CNTN4: variants seen among roughly 807,000 people sequenced by gnomAD.
CNTN4 encodes contactin-4.
A neutral mutation model predicts 122.5 loss-of-function variants in CNTN4; 77 were observed. The ratio of observed to expected loss-of-function variants is 0.63; its 90% CI spans 0.52 to 0.76. CNTN4 has a LOEUF of 0.76. CNTN4 is among the 30% of genes least tolerant of loss of function. The probability of loss-of-function intolerance (pLI) is 0.00; values close to 1 mark genes in which losing one functional copy is unlikely to be tolerated. For missense variants in CNTN4, 1,256 were observed against 1,259.1 expected (o/e 1.00, Z 0.04); for synonymous variants, 512 against 447.0 (o/e 1.15, Z -1.83).
chr3:2,502,537 A>G (rs1399908205), intron 3 of CNTN4, among the ~76,000 whole-genome samples: 7 of 152,184 alleles, frequency 4.6e-5, no homozygotes, highest in Middle Eastern at 6.8e-3. Context: ...TCCATCCACC[A>G]TCAGTGGATG....
At chr3:2,782,516 T>TGTGTGTGTGTGTGTG (rs1559498453) in intron 6 of CNTN4, among the ~76,000 whole-genome samples, 2 of 142,420 alleles carry the variant, frequency 1.4e-5, no homozygotes, top group African/African-American at 2.6e-5. Flanking sequence ...TGTGTGTGTG[T>TGTGTGTGTGTGTGTG]TTTAATGGGA....
intron 2 of CNTN4, among the ~76,000 whole-genome samples, chr3:2,181,724 T>C (rs1245972359): frequency 6.6e-6 from 1 of 152,146 alleles, no homozygotes; most frequent in Non-Finnish European, 1.5e-5. Flanking sequence ...AACTACCATA[T>C]TGTCCTTTTA....
intron 2 of CNTN4, among the ~76,000 whole-genome samples, chr3:2,315,144 G>C (rs932368047): frequency 1.3e-5 from 2 of 151,986 alleles, no homozygotes; most frequent in African/African-American, 4.8e-5. Context: ...AAAAGAATTA[G>C]CTATGAACAG....
intron 2 of CNTN4, among the ~76,000 whole-genome samples, chr3:2,290,058 A>G (rs773126817): frequency 2.0e-5 from 3 of 152,150 alleles, no homozygotes; most frequent in Non-Finnish European, 4.4e-5. Flanking sequence ...AAACTTTTCT[A>G]CACCTAACAC....
At chr3:2,637,327 A>C (rs997477169) in intron 4 of CNTN4, among the ~76,000 whole-genome samples, 3 of 152,154 alleles carry the variant, frequency 2.0e-5, no homozygotes, top group African/African-American at 7.2e-5. Flanking sequence ...TGAATGGATT[A>C]ACAATTTGCC....
intron 3 of CNTN4, among the ~76,000 whole-genome samples, chr3:2,437,257 A>G (rs2048289061): frequency 6.6e-6 from 1 of 152,164 alleles, no homozygotes; most frequent in African/African-American, 2.4e-5. Context: ...ACACTTTCAT[A>G]GGTTTTTCCC....
intron 3 of CNTN4, among the ~76,000 whole-genome samples, chr3:2,545,725 A>G (rs2078217017): frequency 6.6e-6 from 1 of 150,764 alleles, no homozygotes; most frequent in Admixed American, 6.6e-5. Context: ...CTTGGTAGAT[A>G]TTCTTCCATT....
chr3:2,895,780 A>C (rs2094103190), intron 10 of CNTN4, among the ~76,000 whole-genome samples: 2 of 152,256 alleles, frequency 1.3e-5, no homozygotes, highest in Non-Finnish European at 2.9e-5. Flanking sequence ...CACGCCTGTC[A>C]TCCCAGCACT....
chr3:2,925,988 G>C (rs1434684218), intron 13 of CNTN4, among the ~76,000 whole-genome samples: 2 of 152,232 alleles, frequency 1.3e-5, no homozygotes, highest in Non-Finnish European at 2.9e-5. Context: ...ACTCCGTGCA[G>C]AGATAGATCA....
At chr3:2,866,126 T>G (rs998184289) in intron 7 of CNTN4, among the ~76,000 whole-genome samples, 1 of 152,096 alleles carries the variant, frequency 6.6e-6, no homozygotes, top group African/African-American at 2.4e-5. Flanking sequence ...AAGAAAAAAT[T>G]TGAGTTGATA....
In CNTN4 at chr3:2,418,994, G is replaced by A. The variant is rs78617482; in HGVS notation, c.-89+79761G>A. Among the ~76,000 whole-genome samples the A allele has an allele frequency of 4.9e-3, 750 of 152,262 alleles. 5 individuals carry two copies. Among genetic ancestry groups the A allele is most frequent in the Middle Eastern group, 0.014 (4 of 294 alleles). ...CCCAAAAAGATAAAGGCCTTCCTCA[G>A]AATCTTATGGGAAAAGTCAAATTAT... On this transcript the variant is annotated intron_variant, in intron 3 of 24. Transcript: ENST00000418658.
chr3:2,162,015 T>C (rs1348278266), intron 2 of CNTN4, among the ~76,000 whole-genome samples: 1 of 152,234 alleles, frequency 6.6e-6, no homozygotes, highest in Non-Finnish European at 1.5e-5. Context: ...AAGGTATTGA[T>C]CTTATGTCTG....
rs904572401 is a variant in CNTN4, at chr3:2,887,235, G to A, written c.940+11G>A. 6 of 1,609,924 alleles carry A rather than the reference G, an allele frequency of 3.7e-6. No homozygotes were observed. Among genetic ancestry groups the A allele is most frequent in the African/African-American group, 2.7e-5 (2 of 74,912 alleles). ...AGCTAACTTTCTATGGTAAGTGTAT[G>A]ATTTCAGTTTATCATTTATAGTGCT... On this transcript the variant is annotated intron_variant, in intron 10 of 24. Transcript: ENST00000418658.
intron 2 of CNTN4, among the ~76,000 whole-genome samples, chr3:2,197,363 A>G (rs1019103515): frequency 2.0e-5 from 3 of 152,212 alleles, no homozygotes; most frequent in Non-Finnish European, 4.4e-5. Context: ...ATTAATTGAT[A>G]TACATTTATG....
intron 2 of CNTN4, among the ~76,000 whole-genome samples, chr3:2,149,974 T>TC (rs1376899892): frequency 6.6e-6 from 1 of 151,340 alleles, no homozygotes; most frequent in African/African-American, 2.4e-5. Flanking sequence ...TAGCTTTTTT[T>TC]TTTTTTTCTG....
At chr3:2,296,962 A>G (rs1685450) in intron 2 of CNTN4, among the ~76,000 whole-genome samples, 48,558 of 152,006 alleles carry the variant, frequency 0.32, 8,358 homozygotes, top group East Asian at 0.58. Flanking sequence ...ACTAGGTGAC[A>G]TTAAAGAAGT....
chr3:2,803,723 C>G (rs1471640747), intron 6 of CNTN4, among the ~76,000 whole-genome samples: 4 of 151,938 alleles, frequency 2.6e-5, no homozygotes, highest in Non-Finnish European at 5.9e-5. Flanking sequence ...CCACGCCTGG[C>G]TAATTTTTTG....
chr3:2,450,863 G>T (rs1246872779), intron 3 of CNTN4, among the ~76,000 whole-genome samples: 2 of 152,206 alleles, frequency 1.3e-5, no homozygotes, highest in Non-Finnish European at 2.9e-5. Context: ...TGAAAAGGCA[G>T]ACCCTGTCCT....
chr3:2,359,574 C>T (rs1201398436), intron 3 of CNTN4, among the ~76,000 whole-genome samples: 2 of 152,134 alleles, frequency 1.3e-5, no homozygotes, highest in Non-Finnish European at 2.9e-5. Flanking sequence ...GAATCTCGCT[C>T]TGTCGCCCAG....
Sources: gnomAD v4.1 joint callset for allele counts (sites outside exome capture counted in the v4.1 genomes callset) on GRCh38, gnomAD v4.1.1 for gene constraint, MANE v1.5 for transcripts, NCBI Gene and HGNC (gene_info 2026-07-23, HGNC 2026-07-21) for gene names.